Variants in KLHL20 observed in about 807,000 individuals in gnomAD.
KLHL20 encodes the protein kelch like family member 20.
Under a neutral mutation model 69.5 loss-of-function variants are expected in KLHL20, and 29 were observed. The ratio of observed to expected loss-of-function variants is 0.42; its 90% CI spans 0.31 to 0.57. The LOEUF is 0.57. Ranked by LOEUF, KLHL20 falls within the 20% of genes least tolerant of loss-of-function variation. KLHL20 has a pLI of 0.18. For missense variants in KLHL20, 419 were observed against 776.0 expected (o/e 0.54, Z 5.47); for synonymous variants, 253 against 265.2 (o/e 0.95, Z 0.45).
intron 7 of KLHL20, among the ~76,000 whole-genome samples, chr1:173,763,305 T>C (rs1231378998): frequency 6.6e-6 from 1 of 152,112 alleles, no homozygotes; most frequent in African/African-American, 2.4e-5. Context: ...AAAATGACCA[T>C]ATTGCCAAAG....
chr1:173,741,182 C>T (rs1322839196), intron 3 of KLHL20, among the ~76,000 whole-genome samples: 1 of 152,138 alleles, frequency 6.6e-6, no homozygotes, highest in African/African-American at 2.4e-5. Flanking sequence ...CAGCTGCAAG[C>T]CACTTCTATC....
chr1:173,749,221 C>T (rs1228909703), intron 3 of KLHL20, among the ~76,000 whole-genome samples: 1 of 152,156 alleles, frequency 6.6e-6, no homozygotes, highest in African/African-American at 2.4e-5. Context: ...TTGCTCTGCT[C>T]ATAAACATAC....
intron 3 of KLHL20, among the ~76,000 whole-genome samples, chr1:173,735,398 A>T (rs1352587482): frequency 6.6e-6 from 1 of 151,550 alleles, no homozygotes; most frequent in Non-Finnish European, 1.5e-5. Context: ...GTGAGCCAAG[A>T]TCGTGCCACT....
intron 2 of KLHL20, among the ~76,000 whole-genome samples, chr1:173,725,100 T>G (rs1188871603): frequency 6.6e-6 from 1 of 152,124 alleles, no homozygotes; most frequent in Non-Finnish European, 1.5e-5. Context: ...AAATCTGTAT[T>G]TGGTGAGTTT....
rs201193927 is a variant in KLHL20, at chr1:173,751,853, A to G, written c.687A>G (p.Glu229=). The part of the protein sequence containing the change: ...SSDELNVRSE[E]QVFNAVMAWV... The stretch of plus-strand genomic sequence containing the variant: ...ATGAGCTAAACGTTCGCAGTGAAGA[A>G]CAAGTGTTCAATGCAGTGATGGCCT... The change falls in exon 4 of 12, where the codon GAA becomes GAG. Residue 229 remains glutamate (E), a synonymous_variant. Transcript: ENST00000209884. 79 of 1,613,956 alleles carry G rather than the reference A, an allele frequency of 4.9e-5. No homozygotes were observed. Among genetic ancestry groups the G allele is most frequent in the Non-Finnish European group, 6.6e-5 (78 of 1,179,930 alleles).
At chr1:173,780,551 C>T (rs1372459742) in intron 10 of KLHL20, among the ~76,000 whole-genome samples, 1 of 152,014 alleles carries the variant, frequency 6.6e-6, no homozygotes, top group Admixed American at 6.6e-5. Context: ...AAGGCAGAGA[C>T]AGGATTACTT....
chr1:173,770,164 C>T (rs1647994997), intron 8 of KLHL20, among the ~76,000 whole-genome samples: 1 of 152,076 alleles, frequency 6.6e-6, no homozygotes, highest in African/African-American at 2.4e-5. Context: ...TAGAAAGACA[C>T]ACCTACAGAT....
In KLHL20 at chr1:173,757,115, A is replaced by C; in HGVS notation, c.1107A>C (p.Ala369=). 1 of 1,613,324 alleles carries C rather than the reference A, an allele frequency of 6.2e-7. No individual in the cohort carries two copies. Among genetic ancestry groups the C allele is most frequent in the Non-Finnish European group, 8.5e-7 (1 of 1,179,482 alleles). Residue 369 remains alanine (A), a synonymous_variant, in exon 7 of 12, where the codon GCA becomes GCC. Coordinates refer to ENST00000209884, the MANE Select transcript of KLHL20 (RefSeq NM_014458.4). The part of the protein sequence containing the change: ...GVSVLDDLLY[A]VGGHDGSSYL... ...GTGTTCTTGATGATCTGTTATATGC[A>C]GTAGGAGGCCATGATGGATCCTCTT...
In KLHL20 at chr1:173,755,979, T is replaced by C; in HGVS notation, c.908T>C (p.Met303Thr). Residue 303 changes from methionine (M) to threonine (T), a missense_variant, in exon 6 of 12, where the codon ATG becomes ACG. By Grantham distance (81) the Met-to-Thr change is moderately conservative. This residue lies in a region of KLHL20 where 99 missense variants were observed against 240.7 expected (regional missense o/e 0.41). Transcript: ENST00000209884. The part of the protein sequence containing the change: ...YLLLPQERPL[M>T]QGPRTRPRKP... Reference sequence around the variant, plus strand: ...CTATTGCCGCAAGAACGACCACTAATGCAAGGACCAAGGACGAGACCACGG... The same window carrying C: ...CTATTGCCGCAAGAACGACCACTAACGCAAGGACCAAGGACGAGACCACGG... 1 of 1,614,120 alleles carries C rather than the reference T, an allele frequency of 6.2e-7. No homozygotes were observed. The highest frequency in any genetic ancestry group is 8.5e-7 in the Non-Finnish European group (1 of 1,180,014).
At chr1:173,774,067 GGTT>G (rs1648292015) in intron 8 of KLHL20, among the ~76,000 whole-genome samples, 1 of 151,936 alleles carries the variant, frequency 6.6e-6, no homozygotes, top group African/African-American at 2.4e-5. Flanking sequence ...TGAAGTCATA[GGTT>G]GTTTTCTTTC....
chr1:173,731,993 C>T (rs985601038), intron 2 of KLHL20, among the ~76,000 whole-genome samples: 1 of 151,922 alleles, frequency 6.6e-6, no homozygotes, highest in African/African-American at 2.4e-5. Flanking sequence ...GTCAGGAGAT[C>T]AAGACCATCC....
At chr1:173,719,678 T>A (rs989043123) in intron 2 of KLHL20, among the ~76,000 whole-genome samples, 5 of 152,210 alleles carry the variant, frequency 3.3e-5, no homozygotes, top group South Asian at 4.1e-4. Context: ...TACATTTTTT[T>A]AATTTTGGTG....
intron 2 of KLHL20, among the ~76,000 whole-genome samples, chr1:173,718,208 G>A (rs778608376): frequency 1.3e-5 from 2 of 151,892 alleles, no homozygotes; most frequent in East Asian, 2.0e-4. Context: ...GATTACAGGC[G>A]TGAGCCACCA....
chr1:173,751,995 T>C (rs1479694342), intron 4 of KLHL20, 73 bp downstream of exon 4: 20 of 1,444,826 alleles, frequency 1.4e-5, no homozygotes, highest in Non-Finnish European at 1.9e-5. Flanking sequence ...CCCAGCACTT[T>C]GGGAGGCCAA....
At chr1:173,719,191 T>C (rs1671607850) in intron 2 of KLHL20, among the ~76,000 whole-genome samples, 2 of 152,164 alleles carry the variant, frequency 1.3e-5, no homozygotes. Context: ...TAGTATTCCA[T>C]TGTCTATATG....
chr1:173,753,733 G>T (rs1429372957), intron 5 of KLHL20, among the ~76,000 whole-genome samples: 1 of 152,090 alleles, frequency 6.6e-6, no homozygotes, highest in Non-Finnish European at 1.5e-5. Flanking sequence ...ATTGTGGACA[G>T]AGTTGAAGAT....
At chr1:173,755,059 CTT>C (rs372616022) in intron 5 of KLHL20, among the ~76,000 whole-genome samples, 14 of 133,466 alleles carry the variant, frequency 1.0e-4, no homozygotes, top group Admixed American at 1.5e-4. Context: ...AAGTCTTTGT[CTT>C]TTTTTTTTTT....
intron 3 of KLHL20, among the ~76,000 whole-genome samples, chr1:173,743,243 CTATT>C (rs1340510412): frequency 4.0e-5 from 6 of 151,522 alleles, no homozygotes; most frequent in Non-Finnish European, 8.8e-5. Flanking sequence ...TGGAAAAATA[CTATT>C]TAAACTTTAT....
intron 2 of KLHL20, 139 bp downstream of exon 2, chr1:173,716,205 A>C (rs894006670): frequency 9.7e-6 from 7 of 723,194 alleles, no homozygotes; most frequent in Non-Finnish European, 1.4e-5. Context: ...AATCAAAAGT[A>C]ATATTAAGAA....
Sources: allele counts gnomAD v4.1 joint callset (sites outside exome capture counted in the v4.1 genomes callset), GRCh38; gene constraint gnomAD v4.1.1; regional missense constraint gnomAD v4.1.1; transcripts MANE v1.5; gene names NCBI Gene and HGNC (gene_info 2026-07-23, HGNC 2026-07-21).